Variants in CCDC187 observed in about 807,000 individuals in gnomAD.
CCDC187 encodes the protein coiled-coil domain containing 187.
Under a neutral mutation model 38.0 loss-of-function variants are expected in CCDC187, and 32 were observed. The ratio of observed to expected loss-of-function variants is 0.84; its 90% CI spans 0.64 to 1.13. The LOEUF is 1.13. Among genes scored for constraint, CCDC187 ranks in the 50% most tolerant of loss-of-function variants. The pLI, the probability that CCDC187 is intolerant of heterozygous loss-of-function variation, is 0.00. For missense variants in CCDC187, 707 were observed against 786.8 expected (o/e 0.90, Z 1.21); for synonymous variants, 333 against 347.9 (o/e 0.96, Z 0.48).
intron 7 of CCDC187, 46 bp downstream of exon 7, chr9:136,289,913 C>A (rs1831274686): frequency 5.1e-6 from 2 of 392,674 alleles, no homozygotes; most frequent in Admixed American, 4.4e-5. Flanking sequence ...TTGGCCCCCC[C>A]CAAGGCCCCG....
At chr9:136,276,021 T>C (rs1830924816) in intron 12 of CCDC187, among the ~76,000 whole-genome samples, 173 bp downstream of exon 12, 1 of 152,094 alleles carries the variant, frequency 6.6e-6, no homozygotes, top group African/African-American at 2.4e-5. Flanking sequence ...AAACCTCCTG[T>C]TTCTGCATAG....
At chr9:136,278,453 A>G (rs1830975677) in intron 10 of CCDC187, among the ~76,000 whole-genome samples, 2 of 152,232 alleles carry the variant, frequency 1.3e-5, no homozygotes, top group Admixed American at 6.5e-5. Context: ...CTGGCTGGAC[A>G]GAGACTGCAG....
chr9:136,268,700 C>T (rs532842765), intron 14 of CCDC187, among the ~76,000 whole-genome samples: 184 of 152,314 alleles, frequency 1.2e-3, no homozygotes, highest in Non-Finnish European at 1.5e-3. Flanking sequence ...TACACACACA[C>T]ATGTGTGTTT....
At position 136,291,140 on chromosome 9, in the gene CCDC187, C is replaced by T; in HGVS notation, c.1473G>A (p.Trp491Ter). ...TGCAGGCCTGCCCAGCCAGTGCACT[C>T]CAGGGCCTCTGGGAGAAGTGGCCCA... ...ERLGHFSQRP[W>*]SALAGQACSP... Residue 491 changes from tryptophan (W) to a stop codon, truncating the protein, a stop_gained, in exon 6 of 26, where the codon TGG becomes TGA. Transcript: ENST00000638797. LOFTEE classifies it high-confidence loss of function. 1 of 398,716 alleles carries T rather than the reference C, an allele frequency of 2.5e-6. No individual in the cohort carries two copies. Among genetic ancestry groups the T allele is most frequent in the Non-Finnish European group, 4.4e-6 (1 of 226,130 alleles). 24.7% of individuals were successfully genotyped at this position (398,716 alleles called of 1,614,324 possible).
upstream of CCDC187, among the ~76,000 whole-genome samples, chr9:136,305,029 G>A (rs1831778190): frequency 6.6e-6 from 1 of 152,250 alleles, no homozygotes; most frequent in Non-Finnish European, 1.5e-5. Context: ...GCCCAGGGGA[G>A]ATTCCAAGCC....
intron 14 of CCDC187, among the ~76,000 whole-genome samples, chr9:136,271,302 A>C (rs1053212941): frequency 1.3e-5 from 2 of 152,102 alleles, no homozygotes; most frequent in African/African-American, 2.4e-5. Flanking sequence ...TGGGCAAATC[A>C]CCTCAGGTCA....
chr9:136,280,535 G>C (rs1831018913), intron 10 of CCDC187, among the ~76,000 whole-genome samples: 1 of 152,204 alleles, frequency 6.6e-6, no homozygotes, highest in African/African-American at 2.4e-5. Context: ...CACACACACA[G>C]GACCCTCTCT....
upstream of CCDC187, among the ~76,000 whole-genome samples, chr9:136,305,527 C>A (rs1831789578): frequency 6.6e-6 from 1 of 152,180 alleles, no homozygotes; most frequent in South Asian, 2.1e-4. Context: ...CCCTGCCAGG[C>A]CTTCAGGCTC....
chr9:136,299,798 G>A (rs977674019), intron 3 of CCDC187, among the ~76,000 whole-genome samples: 1 of 152,150 alleles, frequency 6.6e-6, no homozygotes, highest in African/African-American at 2.4e-5. Context: ...CTGTGGGCTG[G>A]GGGGGCAGTG....
At chr9:136,304,112 G>A (rs1831759329), upstream of CCDC187, 1 of 152,416 alleles carries the variant, frequency 6.6e-6, no homozygotes, top group East Asian at 1.9e-4. Context: ...CTCTTGGTGG[G>A]GTGGGGGAGA....
chr9:136,295,019 CA>C (rs1267955079), intron 4 of CCDC187, among the ~76,000 whole-genome samples: 2 of 152,244 alleles, frequency 1.3e-5, no homozygotes, highest in African/African-American at 4.8e-5. Flanking sequence ...TATCTCACAG[CA>C]CCTCCCATAG....
At chr9:136,303,354 C>T (rs1831737056) in intron 1 of CCDC187, 61 bp from the exon 2 acceptor site, 2 of 393,996 alleles carry the variant, frequency 5.1e-6, no homozygotes, top group East Asian at 3.6e-5. Context: ...CGAGCAGAGC[C>T]GCTCAGACTG....
chr9:136,283,934 G>A (rs1831108504), intron 9 of CCDC187, among the ~76,000 whole-genome samples: 1 of 152,184 alleles, frequency 6.6e-6, no homozygotes, highest in East Asian at 1.9e-4. Flanking sequence ...CAGTTCCATG[G>A]GCCGGACTGG....
intron 19 of CCDC187, among the ~76,000 whole-genome samples, chr9:136,261,116 C>T (rs1399101738): frequency 6.6e-6 from 1 of 152,116 alleles, no homozygotes; most frequent in Non-Finnish European, 1.5e-5. Context: ...GGCCAGGACC[C>T]CACAGCAGCT....
Position 136,303,191 on chromosome 9 carries a change from A to T in CCDC187, c.246T>A (p.Ser82=). The change falls in exon 2 of 26, where the codon TCT becomes TCA. Residue 82 remains serine (S), a synonymous_variant. Coordinates refer to ENST00000638797, the MANE Select transcript of CCDC187 (RefSeq NM_001378188.1). ...AGGGTCCTGGTTCCTTGAGGTCGTCAGACCCGACCACGTGGGGAGCTGCCC... is the reference window on the plus strand; with the variant it reads ...AGGGTCCTGGTTCCTTGAGGTCGTCTGACCCGACCACGTGGGGAGCTGCCC... The part of the protein sequence containing the change: ...PPWAAPHVVG[S]DDLKEPGPWG... The T allele has an allele frequency of 2.5e-6, 1 of 398,606 alleles. No homozygotes were observed. The highest frequency in any genetic ancestry group is 4.4e-6 in the Non-Finnish European group (1 of 226,086). The allele number at this position is 398,606 out of a possible 1,614,324, so 24.7% of individuals were successfully genotyped here.
chr9:136,282,031 G>GT (rs1307674365), intron 9 of CCDC187, among the ~76,000 whole-genome samples: 1 of 152,218 alleles, frequency 6.6e-6, no homozygotes, highest in Non-Finnish European at 1.5e-5. Context: ...GAACAGGGGT[G>GT]TGCACGGTCA....
Position 136,273,637 on chromosome 9 carries a change from G to A in CCDC187, c.3442+1021C>T, listed in dbSNP as rs115414311. Reference sequence around the variant, plus strand: ...AGAAAATCCAAGATGCAGTAGATTTGAAGAGCGTGATCCACCAACTTGATC... The same window carrying A: ...AGAAAATCCAAGATGCAGTAGATTTAAAGAGCGTGATCCACCAACTTGATC... On this transcript the variant is annotated intron_variant, in intron 14 of 25. Coordinates refer to ENST00000638797, the MANE Select transcript of CCDC187 (RefSeq NM_001378188.1). Among the ~76,000 whole-genome samples the A allele has an allele frequency of 3.0e-3, 450 of 152,304 alleles. 1 individual carries two copies. Among genetic ancestry groups the A allele is most frequent in the African/African-American group, 0.01 (416 of 41,550 alleles).
chr9:136,260,301 C>T lies in CCDC187; in HGVS notation c.4065-37G>A, dbSNP rs76741702. 18,385 of 984,744 alleles carry T rather than the reference C, an allele frequency of 0.019. 848 individuals carry two copies. The East Asian group carries it at 0.23, about 12-fold the overall frequency. The allele number at this position is 984,744 out of a possible 1,614,324, so 61.0% of individuals were successfully genotyped here. ...TGCAGAGTGGAGGTGACCGCCCGCC[C>T]GGCTGCCCCTTCCCAGGTGTCCAGC... On this transcript the variant is annotated intron_variant, in intron 19 of 25. Coordinates refer to ENST00000638797, the MANE Select transcript of CCDC187 (RefSeq NM_001378188.1).
chr9:136,275,277 C>T (rs894147057), intron 12 of CCDC187, among the ~76,000 whole-genome samples: 19 of 152,074 alleles, frequency 1.2e-4, no homozygotes, highest in African/African-American at 2.7e-4. Flanking sequence ...TGCATGGAGA[C>T]GGGTGGGAAG....
Sources: allele counts gnomAD v4.1 joint callset (sites outside exome capture counted in the v4.1 genomes callset), GRCh38; gene constraint gnomAD v4.1.1; transcripts MANE v1.5; gene names NCBI Gene and HGNC (gene_info 2026-07-23, HGNC 2026-07-21).